Variants in FRYL observed in about 807,000 individuals in gnomAD.
FRYL encodes the protein protein furry homolog-like.
FRYL carries 150 observed loss-of-function variants against 351.2 expected under a neutral mutation model. The observed-to-expected ratio is 0.43, with a 90% confidence interval of 0.37 to 0.49. The LOEUF (loss-of-function observed/expected upper bound fraction) is 0.49, where lower values mean the gene tolerates loss of function less well. Ranked by LOEUF, FRYL falls within the 20% of genes least tolerant of loss-of-function variation. The pLI, the probability that FRYL is intolerant of heterozygous loss-of-function variation, is 0.00. For synonymous variants in FRYL, 1,153 were observed against 1,257.1 expected, an observed-to-expected ratio of 0.92 and a Z score of 1.75; for missense variants, 3,036 against 3,619.3, an observed-to-expected ratio of 0.84 and a Z score of 4.13.
intron 2 of FRYL, among the ~76,000 whole-genome samples, chr4:48,688,874 G>A (rs1765420089): frequency 6.6e-6 from 1 of 151,852 alleles, no homozygotes; most frequent in African/African-American, 2.4e-5. Flanking sequence ...ATGTTGGCCA[G>A]GCTAGTCTTG....
intron 50 of FRYL, 45 bp from the exon 51 acceptor site, chr4:48,528,381 A>G (rs1345557678): frequency 1.3e-6 from 2 of 1,523,738 alleles, no homozygotes; most frequent in Admixed American, 2.0e-5. Context: ...ATATTTCAAC[A>G]TAAAAGAAAC....
At chr4:48,666,151 G>C (rs556045874) in intron 3 of FRYL, among the ~76,000 whole-genome samples, 4 of 152,210 alleles carry the variant, frequency 2.6e-5, no homozygotes, top group Admixed American at 1.3e-4. Flanking sequence ...CACTTGAGGT[G>C]AGGAGTTTGA....
intron 32 of FRYL, among the ~76,000 whole-genome samples, chr4:48,562,311 C>T (rs1735708146): frequency 6.6e-6 from 1 of 152,106 alleles, no homozygotes; most frequent in African/African-American, 2.4e-5. Context: ...GGGTATAATT[C>T]CTAAGATGGA....
chr4:48,549,747 C>A lies in FRYL; in HGVS notation c.4634-124G>T. On this transcript the variant is annotated intron_variant, in intron 38 of 63. Coordinates refer to ENST00000358350, the MANE Select transcript of FRYL (RefSeq NM_015030.2). The surrounding 1 kb of genome is among the most constrained non-coding windows in gnomAD (Gnocchi z 4.2). Reference sequence around the variant, plus strand: ...TGATAAAAAAAATTTCCCACTATTTCAACATGTTTGCTAGGAAAATCTAGG... The same window carrying A: ...TGATAAAAAAAATTTCCCACTATTTAAACATGTTTGCTAGGAAAATCTAGG... 1.4e-6 allele frequency: 1 copy of A among 727,812 alleles called. No individual in the cohort carries two copies. Among genetic ancestry groups the A allele is most frequent in the Non-Finnish European group, 2.1e-6 (1 of 466,596 alleles). 45.1% of individuals were successfully genotyped at this position (727,812 alleles called of 1,614,324 possible). A position where few individuals can be genotyped will look rare whatever the true frequency, so the allele number is the denominator to read the frequency against.
intron 3 of FRYL, among the ~76,000 whole-genome samples, chr4:48,669,012 T>G (rs921112177): frequency 6.6e-6 from 1 of 152,240 alleles, no homozygotes; most frequent in Admixed American, 6.5e-5. Context: ...ATTCTACTCT[T>G]CTTTTTAAAA....
intron 2 of FRYL, among the ~76,000 whole-genome samples, chr4:48,709,305 A>T (rs1767757286): frequency 6.6e-6 from 1 of 152,198 alleles, no homozygotes. Flanking sequence ...CTAACATGAA[A>T]ATAATGGATG....
At chr4:48,519,935 T>C (rs1386910870) in intron 55 of FRYL, among the ~76,000 whole-genome samples, 1 of 152,210 alleles carries the variant, frequency 6.6e-6, no homozygotes, top group African/African-American at 2.4e-5. Context: ...AGTTTCACCA[T>C]GTTGGCCAGA....
chr4:48,585,496 A>G (rs1239847492), intron 19 of FRYL, among the ~76,000 whole-genome samples: 1 of 152,218 alleles, frequency 6.6e-6, no homozygotes, highest in Non-Finnish European at 1.5e-5. Flanking sequence ...GCCACAAGTA[A>G]ACACCTTTCA....
At chr4:48,507,704 AGATAGATAGAT>A (rs1197488305) in intron 59 of FRYL, among the ~76,000 whole-genome samples, 4 of 336 alleles carry the variant, frequency 0.012, no homozygotes, top group African/African-American at 9.5e-3. Flanking sequence ...CAGTTTTCAA[AGATAGATAGAT>A]GATAGATAGA....
At chr4:48,541,950 A>T in intron 45 of FRYL, 77 bp downstream of exon 45, 1 of 997,492 alleles carries the variant, frequency 1.0e-6, no homozygotes. Context: ...ACAATATTAG[A>T]ATTTTAAAAG....
intron 1 of FRYL, among the ~76,000 whole-genome samples, chr4:48,766,349 G>A (rs764742156): frequency 6.6e-6 from 1 of 152,146 alleles, no homozygotes; most frequent in Non-Finnish European, 1.5e-5. Context: ...AAATAAAAGA[G>A]GTCAGATGAC....
chr4:48,508,699 C>T (rs1721830900), intron 59 of FRYL, among the ~76,000 whole-genome samples: 1 of 152,156 alleles, frequency 6.6e-6, no homozygotes, highest in Non-Finnish European at 1.5e-5. Flanking sequence ...ACTCATATGT[C>T]TTGCACACTG....
At chr4:48,614,742 A>AAG (rs1244187207) in intron 7 of FRYL, among the ~76,000 whole-genome samples, 4 of 150,400 alleles carry the variant, frequency 2.7e-5, no homozygotes, top group Non-Finnish European at 5.9e-5. Flanking sequence ...AAAAAAAAAA[A>AAG]AGAGAAACTA....
Position 48,780,212 on chromosome 4 carries a change from A to T in FRYL, c.-518T>A, listed in dbSNP as rs1369499091. 3.3e-5 allele frequency: 5 copies of T among 152,452 alleles called. No individual in the cohort carries two copies. Among genetic ancestry groups the T allele is most frequent in the African/African-American group, 1.2e-4 (5 of 41,344 alleles). 9.4% of individuals were successfully genotyped at this position (152,452 alleles called of 1,614,324 possible). On this transcript the variant is annotated 5_prime_UTR_variant, in exon 1 of 64. Coordinates refer to ENST00000358350, the MANE Select transcript of FRYL (RefSeq NM_015030.2). ...TCCGATCGGAACCGATCTGTGGTTAAACCTCCCTCCGACTCTGATTTTAAC... is the reference window on the plus strand; with the variant it reads ...TCCGATCGGAACCGATCTGTGGTTATACCTCCCTCCGACTCTGATTTTAAC...
rs764934339 is a variant in FRYL, at chr4:48,620,702, C to T, written c.251G>A (p.Arg84His). The T allele has an allele frequency of 1.3e-5, 21 of 1,613,738 alleles. No individual in the cohort carries two copies. The highest frequency in any genetic ancestry group is 8.9e-5 in the East Asian group (4 of 44,886). ...AGATTCATCTTCCGTTCCATTTTGG[C>T]GTCTGTACCAGTCAAACAAGGTGCG... ...LLRTLFDWYR[R>H]QNGTEDESYE... is the part of the protein sequence containing the mutation. The change falls in exon 6 of 64, where the codon CGC becomes CAC. Residue 84 changes from arginine (R) to histidine (H), a missense_variant. By Grantham distance (29) the Arg-to-His change is conservative. This residue lies in a region of FRYL where 457 missense variants were observed against 566.6 expected (regional missense o/e 0.81). Transcript: ENST00000358350.
intron 50 of FRYL, among the ~76,000 whole-genome samples, chr4:48,528,986 T>G (rs547245552): frequency 1.3e-5 from 2 of 152,334 alleles, no homozygotes; most frequent in South Asian, 4.1e-4. Flanking sequence ...AGTCCCTTTA[T>G]GCTCAACTGA....
At chr4:48,663,215 T>C (rs1042481365) in intron 3 of FRYL, among the ~76,000 whole-genome samples, 2 of 151,922 alleles carry the variant, frequency 1.3e-5, no homozygotes, top group Admixed American at 1.3e-4. Flanking sequence ...CAAACAGAAG[T>C]ATAAGGTTTC....
intron 23 of FRYL, 55 bp from the exon 24 acceptor site, chr4:48,576,277 A>C: frequency 7.4e-7 from 1 of 1,343,614 alleles, no homozygotes; most frequent in East Asian, 2.6e-5. Context: ...ACGTTTTTAA[A>C]AGTTTATTTT....
At chr4:48,583,318 A>C (rs1459801281) in intron 19 of FRYL, among the ~76,000 whole-genome samples, 2 of 151,872 alleles carry the variant, frequency 1.3e-5, no homozygotes, top group African/African-American at 2.4e-5. Flanking sequence ...CACCCAGCTA[A>C]TTTTTTGTAT....
Sources: allele counts gnomAD v4.1 joint callset (sites outside exome capture counted in the v4.1 genomes callset), GRCh38; gene constraint gnomAD v4.1.1; regional missense constraint gnomAD v4.1.1; non-coding constraint Gnocchi (gnomAD v3.1); transcripts MANE v1.5; gene names NCBI Gene and HGNC (gene_info 2026-07-23, HGNC 2026-07-21).